The following ZFHX3 variants were observed in gnomAD, a reference collection of about 807,000 sequenced individuals.
ZFHX3 encodes the protein zinc finger homeobox 3.
Under a neutral mutation model 279.1 loss-of-function variants are expected in ZFHX3, and 42 were observed. The ratio of observed to expected loss-of-function variants is 0.15; its 90% confidence interval spans 0.12 to 0.19. The LOEUF is 0.19. Among genes scored for constraint, ZFHX3 ranks in the 10% least tolerant of loss-of-function variants. The pLI, the probability that ZFHX3 is intolerant of heterozygous loss-of-function variation, is 1.00. For synonymous variants in ZFHX3, 2,293 were observed against 1,957.8 expected, an observed-to-expected ratio of 1.17 and a Z score of -4.52; for missense variants, 4,981 against 4,754.0, an observed-to-expected ratio of 1.05 and a Z score of -1.40.
intron 1 of ZFHX3, among the ~76,000 whole-genome samples, chr16:73,704,801 A>G (rs1348849096): frequency 6.6e-6 from 1 of 152,056 alleles, no homozygotes; most frequent in Non-Finnish European, 1.5e-5. Flanking sequence ...ACTGAACTTC[A>G]CTCCTGCTAG....
intron 1 of ZFHX3, among the ~76,000 whole-genome samples, chr16:73,867,768 T>G (rs77594502): frequency 0.019 from 2,931 of 152,254 alleles, 88 homozygotes; most frequent in African/African-American, 0.067. Context: ...CTCCATTAGG[T>G]TAGGCTTGCT....
intron 2 of ZFHX3, among the ~76,000 whole-genome samples, chr16:73,500,628 G>C (rs1038067397): frequency 7.2e-6 from 1 of 138,114 alleles, no homozygotes. Context: ...CACCCAACCT[G>C]TGCCCTAGTT....
At chr16:73,247,706 T>G (rs1440026606) in intron 5 of ZFHX3, among the ~76,000 whole-genome samples, 1 of 151,846 alleles carries the variant, frequency 6.6e-6, no homozygotes, top group Non-Finnish European at 1.5e-5. Context: ...GTGTGTATAC[T>G]ATGTATATAA....
At chr16:73,753,578 G>A (rs2053779579) in intron 1 of ZFHX3, among the ~76,000 whole-genome samples, 1 of 152,156 alleles carries the variant, frequency 6.6e-6, no homozygotes, top group Non-Finnish European at 1.5e-5. Context: ...CTGGCTCTGG[G>A]AACACTGCCT....
At chr16:72,846,988 G>A (rs2037498202) in intron 4 of ZFHX3, among the ~76,000 whole-genome samples, 1 of 152,168 alleles carries the variant, frequency 6.6e-6, no homozygotes, top group South Asian at 2.1e-4. Context: ...AAGAGGACAG[G>A]GCAGCACCAA....
At chr16:73,786,272 T>C (rs970916953) in intron 1 of ZFHX3, among the ~76,000 whole-genome samples, 1 of 152,224 alleles carries the variant, frequency 6.6e-6, no homozygotes, top group Non-Finnish European at 1.5e-5. Context: ...TGTTTTCTTC[T>C]ACTTTCTGCA....
intron 2 of ZFHX3, among the ~76,000 whole-genome samples, chr16:73,494,748 A>G (rs1335964782): frequency 6.8e-6 from 1 of 148,142 alleles, no homozygotes; most frequent in African/African-American, 2.5e-5. Context: ...TTTTATTTTT[A>G]GCAGAGATGG....
intron 1 of ZFHX3, among the ~76,000 whole-genome samples, chr16:73,856,575 G>C (rs962973652): frequency 6.6e-6 from 1 of 152,132 alleles, no homozygotes; most frequent in African/African-American, 2.4e-5. Flanking sequence ...TCCAAAATAA[G>C]CCAGCATCTG....
At chr16:73,163,188 T>C (rs568362304) in intron 5 of ZFHX3, among the ~76,000 whole-genome samples, 1 of 152,348 alleles carries the variant, frequency 6.6e-6, no homozygotes, top group Admixed American at 6.5e-5. Context: ...AATATACAAT[T>C]GTCCCATGAG....
At chr16:73,569,895 C>A (rs2051716620) in intron 2 of ZFHX3, among the ~76,000 whole-genome samples, 1 of 151,992 alleles carries the variant, frequency 6.6e-6, no homozygotes, top group Non-Finnish European at 1.5e-5. Context: ...ACAAACTGAT[C>A]ATTTACTGTA....
At chr16:73,226,795 GCACTGTT>G (rs2012606941) in intron 5 of ZFHX3, among the ~76,000 whole-genome samples, 1 of 152,170 alleles carries the variant, frequency 6.6e-6, no homozygotes, top group Non-Finnish European at 1.5e-5. Flanking sequence ...GGCTTTGATT[GCACTGTT>G]CATTCGTCCA....
intron 1 of ZFHX3, among the ~76,000 whole-genome samples, chr16:73,691,840 T>C (rs8060516): frequency 6.6e-6 from 1 of 152,214 alleles, no homozygotes; most frequent in Admixed American, 6.5e-5. Context: ...ATTGAGATAC[T>C]GATTCATTGA....
intron 4 of ZFHX3, among the ~76,000 whole-genome samples, chr16:73,266,661 CAT>C (rs1229041131): frequency 6.6e-6 from 1 of 152,218 alleles, no homozygotes; most frequent in Non-Finnish European, 1.5e-5. Context: ...ACAATTCCCA[CAT>C]GTCATAGGAG....
intron 3 of ZFHX3, among the ~76,000 whole-genome samples, chr16:72,924,686 T>C (rs1418611847): frequency 6.6e-6 from 1 of 152,196 alleles, no homozygotes; most frequent in Non-Finnish European, 1.5e-5. Context: ...GAACTATTAA[T>C]TTGCATATGA....
intron 5 of ZFHX3, among the ~76,000 whole-genome samples, chr16:73,214,417 A>G (rs888220952): frequency 2.0e-5 from 3 of 152,102 alleles, no homozygotes; most frequent in African/African-American, 7.2e-5. Flanking sequence ...GTGGCCTTCA[A>G]TACAATTCAT....
chr16:73,582,282 T>C (rs1255549558), intron 2 of ZFHX3, among the ~76,000 whole-genome samples: 2 of 151,808 alleles, frequency 1.3e-5, no homozygotes, highest in Non-Finnish European at 2.9e-5. Context: ...CTTATGAATA[T>C]GTTCTTCACA....
chr16:72,889,432 T>C (rs564550675), intron 4 of ZFHX3, among the ~76,000 whole-genome samples: 1 of 150,416 alleles, frequency 6.6e-6, no homozygotes, highest in South Asian at 2.1e-4. Context: ...GGGTAGTAGC[T>C]TGTGACTTCC....
At chr16:73,306,275 T>A (rs2015178175) in intron 4 of ZFHX3, among the ~76,000 whole-genome samples, 1 of 152,228 alleles carries the variant, frequency 6.6e-6, no homozygotes, top group Non-Finnish European at 1.5e-5. Context: ...AACAGAGTTT[T>A]AAAAATTGTG....
chr16:73,400,146 A>T (rs2017220615), intron 3 of ZFHX3: 2 of 152,028 alleles, frequency 1.3e-5, no homozygotes, highest in Admixed American at 1.3e-4. Flanking sequence ...CAGATGAGGA[A>T]ACTGAGGCCC....
Sources: allele counts gnomAD v4.1 joint callset (sites outside exome capture counted in the v4.1 genomes callset), GRCh38; gene constraint gnomAD v4.1.1; transcripts MANE v1.5; gene names NCBI Gene and HGNC (gene_info 2026-07-23, HGNC 2026-07-21).